The following SUMF1 variants were observed in gnomAD, a reference collection of about 807,000 sequenced individuals.
SUMF1 encodes sulfatase modifying factor 1, also known as formylglycine-generating enzyme.
SUMF1 carries 48 observed loss-of-function variants against 47.6 expected under a neutral mutation model. The observed-to-expected ratio is 1.01, with a 90% confidence interval of 0.80 to 1.28. The LOEUF is 1.28. Among genes scored for constraint, SUMF1 ranks in the 50% most tolerant of loss-of-function variants. The pLI, the probability that SUMF1 is intolerant of heterozygous loss-of-function variation, is 0.00. For missense variants in SUMF1, 571 were observed against 485.4 expected (o/e 1.18, Z -1.66); for synonymous variants, 230 against 192.1 (o/e 1.20, Z -1.63).
chr3:4,088,577 T>C (rs1692721298), intron 8 of SUMF1, among the ~76,000 whole-genome samples: 1 of 152,176 alleles, frequency 6.6e-6, no homozygotes, highest in African/African-American at 2.4e-5. Flanking sequence ...TAGCACATTT[T>C]AAATTTCATT....
intron 4 of SUMF1, among the ~76,000 whole-genome samples, chr3:4,418,502 C>A (rs1317216070): frequency 6.6e-6 from 1 of 152,204 alleles, no homozygotes; most frequent in Non-Finnish European, 1.5e-5. Flanking sequence ...CTCAGAGAAA[C>A]CAGTGACTAA....
chr3:4,431,939 G>C (rs1702246810), intron 3 of SUMF1, among the ~76,000 whole-genome samples: 1 of 151,996 alleles, frequency 6.6e-6, no homozygotes, highest in Non-Finnish European at 1.5e-5. Flanking sequence ...AACAATTTGG[G>C]TGACAGATAT....
At chr3:4,075,242 C>G (rs536291407) in intron 8 of SUMF1, among the ~76,000 whole-genome samples, 76 of 152,114 alleles carry the variant, frequency 5.0e-4, no homozygotes, top group African/African-American at 1.7e-3. Flanking sequence ...CGACAAAAAC[C>G]ACATGATTAT....
chr3:4,083,961 G>A (rs1408619285), intron 8 of SUMF1, among the ~76,000 whole-genome samples: 1 of 151,850 alleles, frequency 6.6e-6, no homozygotes, highest in Non-Finnish European at 1.5e-5. Context: ...TGTACTTTAT[G>A]ATGTCTTTCA....
intron 8 of SUMF1, among the ~76,000 whole-genome samples, chr3:4,134,091 T>C (rs1693860491): frequency 6.6e-6 from 1 of 152,036 alleles, no homozygotes; most frequent in African/African-American, 2.4e-5. Flanking sequence ...TATCCAGGAA[T>C]TGAACTCAGC....
intron 8 of SUMF1, among the ~76,000 whole-genome samples, chr3:4,345,192 A>G (rs1699350628): frequency 6.6e-6 from 1 of 152,212 alleles, no homozygotes; most frequent in Non-Finnish European, 1.5e-5. Flanking sequence ...GAACACTATT[A>G]AGATACTCCA....
intron 8 of SUMF1, among the ~76,000 whole-genome samples, chr3:4,151,393 ATATATG>A (rs1410315079): frequency 1.0e-5 from 1 of 97,420 alleles, no homozygotes; most frequent in Non-Finnish European, 2.3e-5. Context: ...ATATATGTAT[ATATATG>A]TATATGTATA....
intron 8 of SUMF1, among the ~76,000 whole-genome samples, chr3:4,119,713 A>AAC (rs144771849): frequency 0.084 from 12,462 of 149,066 alleles, 544 homozygotes; most frequent in East Asian, 0.12. Context: ...CACATACACA[A>AAC]ACACACACAC....
intron 8 of SUMF1, among the ~76,000 whole-genome samples, chr3:4,309,175 CCT>C (rs1698308252): frequency 6.6e-6 from 1 of 152,086 alleles, no homozygotes; most frequent in African/African-American, 2.4e-5. Flanking sequence ...GCAGGTGAAG[CCT>C]CCAGGTAGCA....
rs56729932 is a variant in SUMF1, at chr3:4,423,279, TACACAC to T, written c.520-3139_520-3134del. ...CAACAAGTGAATAAAGAAACTGTGA[TACACAC>T]ACACACACACACACACACACACACA... On this transcript the variant is annotated intron_variant, in intron 3 of 8. Coordinates refer to ENST00000272902, the MANE Select transcript of SUMF1 (RefSeq NM_182760.4). 3.0e-3 allele frequency among the ~76,000 whole-genome samples: 442 copies of T among 147,202 alleles called. 3 individuals carry two copies. Among genetic ancestry groups the T allele is most frequent in the Admixed American group, 5.2e-3 (77 of 14,846 alleles).
intron 8 of SUMF1, among the ~76,000 whole-genome samples, chr3:4,268,932 T>A (rs1697252313): frequency 6.6e-6 from 1 of 152,086 alleles, no homozygotes; most frequent in East Asian, 1.9e-4. Context: ...TCACTTAAGT[T>A]GCAAATCATA....
chr3:4,091,806 C>G (rs1008163930), intron 8 of SUMF1, among the ~76,000 whole-genome samples: 4 of 151,742 alleles, frequency 2.6e-5, no homozygotes, highest in Non-Finnish European at 5.9e-5. Flanking sequence ...CAAGGACATA[C>G]AGCTCACAGC....
intron 9 of SUMF1, among the ~76,000 whole-genome samples, chr3:4,067,845 C>T (rs1175544411): frequency 6.6e-6 from 1 of 152,162 alleles, no homozygotes; most frequent in Non-Finnish European, 1.5e-5. Context: ...ATTCATAGGT[C>T]ATCCCCCCAG....
chr3:4,268,898 G>GTA lies in SUMF1; in HGVS notation c.1014+107430_1014+107431dup, dbSNP rs1400306618. ...TGAATGTGTGTGTGTGTGCGTGTGTGTATATATACATATATATATGCTTTC... is the reference window on the plus strand; with the variant it reads ...TGAATGTGTGTGTGTGTGCGTGTGTGTATATATATACATATATATATGCTTTC... On this transcript the variant is annotated intron_variant and NMD_transcript_variant, in intron 8 of 12. Coordinates refer to the SUMF1 transcript ENST00000448413. 3.3e-5 allele frequency among the ~76,000 whole-genome samples: 5 copies of GTA among 152,150 alleles called. 1 individual carries two copies. Among genetic ancestry groups the GTA allele is most frequent in the African/African-American group, 1.2e-4 (5 of 41,514 alleles).
At chr3:4,250,286 A>C (rs2662134) in intron 8 of SUMF1, among the ~76,000 whole-genome samples, 23,482 of 138,272 alleles carry the variant, frequency 0.17, 2,234 homozygotes, top group South Asian at 0.39. Flanking sequence ...GGGGGAAGGA[A>C]GGGAAGAGGG....
intron 8 of SUMF1, among the ~76,000 whole-genome samples, chr3:4,326,974 C>T (rs368355112): frequency 8.5e-5 from 13 of 152,234 alleles, no homozygotes; most frequent in Admixed American, 3.3e-4. Context: ...TCTTGCTGAA[C>T]TTATGCAAAT....
intron 8 of SUMF1, among the ~76,000 whole-genome samples, chr3:4,274,664 T>C (rs572216138): frequency 2.0e-5 from 3 of 152,322 alleles, no homozygotes; most frequent in Non-Finnish European, 2.9e-5. Flanking sequence ...AAAAACTGAA[T>C]ATCCCACTGT....
intron 8 of SUMF1, among the ~76,000 whole-genome samples, chr3:4,107,179 G>T (rs1433632794): frequency 6.6e-6 from 1 of 152,120 alleles, no homozygotes; most frequent in South Asian, 2.1e-4. Flanking sequence ...AATTGTTCTT[G>T]GTTTTCAGAT....
intron 8 of SUMF1, among the ~76,000 whole-genome samples, chr3:4,365,131 T>A (rs1699906838): frequency 7.0e-6 from 1 of 142,662 alleles, no homozygotes; most frequent in African/African-American, 2.6e-5. Flanking sequence ...GAGCTTTACT[T>A]CCAACTATGT....
Sources: gnomAD v4.1 joint callset for allele counts (sites outside exome capture counted in the v4.1 genomes callset) on GRCh38, gnomAD v4.1.1 for gene constraint, MANE v1.5 for transcripts, NCBI Gene and HGNC (gene_info 2026-07-23, HGNC 2026-07-21) for gene names.